Variants in KDM4C observed in about 807,000 individuals in gnomAD.
KDM4C encodes lysine-specific demethylase 4C.
In KDM4C, 81 loss-of-function variants were observed where a neutral mutation model predicts 129.3. The observed-to-expected ratio is 0.63, with a 90% confidence interval of 0.52 to 0.75. The LOEUF (loss-of-function observed/expected upper bound fraction) is 0.75, where lower values mean the gene tolerates loss of function less well. Ranked by LOEUF, KDM4C falls within the 30% of genes least tolerant of loss-of-function variation. KDM4C has a pLI of 0.00. For synonymous variants in KDM4C, 573 were observed against 456.1 expected (o/e 1.26, Z -3.26); for missense variants, 1,457 against 1,304.0 (o/e 1.12, Z -1.81).
chr9:7,121,692 A>C (rs1839504125), intron 18 of KDM4C, among the ~76,000 whole-genome samples: 3 of 152,202 alleles, frequency 2.0e-5, no homozygotes, highest in African/African-American at 4.8e-5. Context: ...ACATGCTCCA[A>C]ATCCAAGTTA....
intron 4 of KDM4C, among the ~76,000 whole-genome samples, chr9:6,840,506 C>T (rs1479769813): frequency 6.6e-6 from 1 of 151,740 alleles, no homozygotes. Flanking sequence ...CAGTGATTCT[C>T]CTGCCTCAGC....
chr9:7,049,302 C>G (rs555875331), intron 17 of KDM4C, 102 bp downstream of exon 17: 2 of 534,144 alleles, frequency 3.7e-6, no homozygotes, highest in Admixed American at 3.9e-5. Context: ...TTTCTCCTAG[C>G]TTTCTTTTAT....
chr9:6,832,226 G>C (rs946521136), intron 4 of KDM4C, among the ~76,000 whole-genome samples: 1 of 150,862 alleles, frequency 6.6e-6, no homozygotes. Context: ...TGTAGTCCCA[G>C]CTACTCGGGA....
At chr9:7,148,751 C>T (rs1230710312) in intron 19 of KDM4C, among the ~76,000 whole-genome samples, 1 of 152,116 alleles carries the variant, frequency 6.6e-6, no homozygotes, top group African/African-American at 2.4e-5. Context: ...GGAGAGGAGA[C>T]CTGAAGTGGG....
At chr9:6,741,795 T>C (rs1235710781) in intron 1 of KDM4C, among the ~76,000 whole-genome samples, 1 of 151,284 alleles carries the variant, frequency 6.6e-6, no homozygotes, top group Non-Finnish European at 1.5e-5. Context: ...TTTGAACTCC[T>C]GGTCTCAAGG....
At chr9:7,065,948 A>G (rs1173887236) in intron 17 of KDM4C, among the ~76,000 whole-genome samples, 1 of 151,786 alleles carries the variant, frequency 6.6e-6, no homozygotes, top group Non-Finnish European at 1.5e-5. Flanking sequence ...TCACAGTTCT[A>G]TATTTGACAC....
intron 2 of KDM4C, among the ~76,000 whole-genome samples, chr9:6,802,028 C>T (rs1166005967): frequency 1.3e-5 from 2 of 151,774 alleles, no homozygotes; most frequent in Admixed American, 6.6e-5. Flanking sequence ...TTGCTTGAAC[C>T]CAGGAGGTGG....
At chr9:7,024,289 G>A (rs1020271267) in intron 15 of KDM4C, among the ~76,000 whole-genome samples, 2 of 132,408 alleles carry the variant, frequency 1.5e-5, no homozygotes, top group Non-Finnish European at 3.2e-5. Flanking sequence ...TAATGTTTTC[G>A]TTTTTTTTTT....
intron 17 of KDM4C, among the ~76,000 whole-genome samples, chr9:7,057,637 C>T (rs1348359425): frequency 6.6e-6 from 1 of 152,212 alleles, no homozygotes; most frequent in Non-Finnish European, 1.5e-5. Flanking sequence ...ATTTTTCCCC[C>T]TTTATTTTTA....
chr9:6,721,693 A>G (rs892699838), intron 1 of KDM4C, among the ~76,000 whole-genome samples: 6 of 151,452 alleles, frequency 4.0e-5, no homozygotes, highest in Non-Finnish European at 1.5e-5. Flanking sequence ...GGTTCAAGCA[A>G]TTCTCCTGCC....
intron 3 of KDM4C, among the ~76,000 whole-genome samples, chr9:6,812,745 TCTCTGTCACCTGA>T (rs2131121100): frequency 6.6e-6 from 1 of 152,340 alleles, no homozygotes; most frequent in Admixed American, 6.5e-5. Context: ...TGTACACCTG[TCTCTGTCACCTGA>T]CTCTGATCTT....
At chr9:6,960,772 A>T (rs781636766) in intron 8 of KDM4C, among the ~76,000 whole-genome samples, 1 of 152,220 alleles carries the variant, frequency 6.6e-6, no homozygotes, top group African/African-American at 2.4e-5. Flanking sequence ...CAGTGCAGAC[A>T]TTCTCAGCTT....
intron 1 of KDM4C, among the ~76,000 whole-genome samples, chr9:6,765,576 C>A (rs890458105): frequency 6.6e-6 from 1 of 152,194 alleles, no homozygotes; most frequent in African/African-American, 2.4e-5. Flanking sequence ...ATATAGCACA[C>A]TGTTCCCTCA....
At chr9:7,165,146 C>A (rs899819498) in intron 19 of KDM4C, 92 bp from the exon 20 acceptor site, 18 of 1,479,746 alleles carry the variant, frequency 1.2e-5, no homozygotes, top group Non-Finnish European at 1.7e-5. Flanking sequence ...GCAATAACTC[C>A]TTTTAATTGC....
chr9:7,102,967 A>C (rs1837270549), intron 17 of KDM4C, among the ~76,000 whole-genome samples: 1 of 152,162 alleles, frequency 6.6e-6, no homozygotes, highest in Non-Finnish European at 1.5e-5. Context: ...AATTGTATGC[A>C]ATTTACTTTT....
intron 19 of KDM4C, among the ~76,000 whole-genome samples, chr9:7,151,816 C>T (rs1460118394): frequency 1.3e-5 from 2 of 152,202 alleles, no homozygotes; most frequent in Non-Finnish European, 2.9e-5. Flanking sequence ...CTAGAACCAG[C>T]ACAGAACACG....
At chr9:6,726,846 C>G (rs573445771) in intron 1 of KDM4C, 1 of 152,332 alleles carries the variant, frequency 6.6e-6, no homozygotes, top group East Asian at 1.9e-4. Flanking sequence ...AGCAATTCTC[C>G]TCCTTCAGCC....
chr9:7,022,458 A>G, intron 15 of KDM4C, among the ~76,000 whole-genome samples: 1 of 151,820 alleles, frequency 6.6e-6, no homozygotes, highest in Non-Finnish European at 1.5e-5. Context: ...TAGATTGTTC[A>G]CTGTTGGTAT....
chr9:6,858,361 C>T (rs1017369016), intron 5 of KDM4C, among the ~76,000 whole-genome samples: 1 of 152,072 alleles, frequency 6.6e-6, no homozygotes, highest in Non-Finnish European at 1.5e-5. Flanking sequence ...ACCACCACGA[C>T]CACCACCACC....
Sources: gnomAD v4.1 joint callset for allele counts (sites outside exome capture counted in the v4.1 genomes callset) on GRCh38, gnomAD v4.1.1 for gene constraint, MANE v1.5 for transcripts, NCBI Gene and HGNC (gene_info 2026-07-23, HGNC 2026-07-21) for gene names.